The following ZNF678 variants were observed in gnomAD, a reference collection of about 807,000 sequenced individuals.
ZNF678 encodes hypothetical protein MGC42493.
A neutral mutation model predicts 3.0 loss-of-function variants in ZNF678; 5 were observed. The observed-to-expected ratio is 1.69, with a 90% CI of 0.88 to 3.56. The LOEUF is 3.56. Among genes scored for constraint, ZNF678 ranks in the 30% most tolerant of loss-of-function variants. ZNF678 has a pLI of 0.00. For synonymous variants in ZNF678, 218 were observed against 199.6 expected, an observed-to-expected ratio of 1.09 and a Z score of -0.78; for missense variants, 593 against 605.0, an observed-to-expected ratio of 0.98 and a Z score of 0.21.
intron 1 of ZNF678, among the ~76,000 whole-genome samples, chr1:227,613,156 G>A (rs1481452934): frequency 1.3e-5 from 2 of 152,066 alleles, no homozygotes; most frequent in African/African-American, 2.4e-5. Flanking sequence ...TCTGCCTCTG[G>A]TACTAGCTCA....
intron 1 of ZNF678, among the ~76,000 whole-genome samples, chr1:227,619,737 T>G (rs1261795677): frequency 1.3e-5 from 2 of 152,064 alleles, no homozygotes; most frequent in Non-Finnish European, 2.9e-5. Flanking sequence ...GGTCTCGATC[T>G]CTTGACCTCA....
intron 1 of ZNF678, among the ~76,000 whole-genome samples, chr1:227,632,126 G>C (rs1157408907): frequency 6.6e-6 from 1 of 152,174 alleles, no homozygotes; most frequent in Non-Finnish European, 1.5e-5. Flanking sequence ...GGGTGGTGGG[G>C]AATGGGTCCC....
intron 1 of ZNF678, among the ~76,000 whole-genome samples, chr1:227,564,898 AT>A: frequency 6.6e-6 from 1 of 150,996 alleles, no homozygotes; most frequent in Non-Finnish European, 1.5e-5. Context: ...CCCCCGGCTA[AT>A]TTTTGTATTT....
rs139465507 is a variant in ZNF678, at chr1:227,635,207, G to T, written c.-163-11337G>T. 2.6e-4 allele frequency among the ~76,000 whole-genome samples: 39 copies of T among 152,166 alleles called. No homozygotes were observed. The East Asian group carries it at 7.3e-3, about 29-fold the overall frequency. Reference sequence around the variant, plus strand: ...TATATGTATTTTCTTTGAAATGTATGCACATCTTTTAAAAAGCTAAATATG... The same window carrying T: ...TATATGTATTTTCTTTGAAATGTATTCACATCTTTTAAAAAGCTAAATATG... On this transcript the variant is annotated intron_variant, in intron 1 of 3. Transcript: ENST00000343776.
intron 1 of ZNF678, among the ~76,000 whole-genome samples, chr1:227,565,352 C>T: frequency 6.6e-6 from 1 of 152,250 alleles, no homozygotes; most frequent in Middle Eastern, 3.4e-3. Flanking sequence ...GGGCGAGCCA[C>T]CACGCCTGAC....
intron 1 of ZNF678, among the ~76,000 whole-genome samples, chr1:227,615,019 T>C (rs1242869199): frequency 6.6e-6 from 1 of 152,222 alleles, no homozygotes; most frequent in Non-Finnish European, 1.5e-5. Flanking sequence ...AGAGCTCTGC[T>C]CCACAGTGTG....
At chr1:227,637,697 T>C (rs1189925042) in intron 1 of ZNF678, among the ~76,000 whole-genome samples, 5 of 152,146 alleles carry the variant, frequency 3.3e-5, no homozygotes, top group Admixed American at 6.5e-5. Context: ...TAAGGGCTCA[T>C]GGAGAGGGCC....
intron 1 of ZNF678, among the ~76,000 whole-genome samples, chr1:227,616,773 G>GA (rs1476996134): frequency 6.6e-6 from 1 of 152,174 alleles, no homozygotes; most frequent in African/African-American, 2.4e-5. Context: ...ATATTATGCA[G>GA]AAAAAATCTA....
chr1:227,592,183 C>T (rs999118389), intron 1 of ZNF678, among the ~76,000 whole-genome samples: 1 of 152,184 alleles, frequency 6.6e-6, no homozygotes, highest in Non-Finnish European at 1.5e-5. Context: ...TTGTAAACTT[C>T]AGTGGTTATG....
Position 227,566,777 on chromosome 1 carries a change from G to A in ZNF678, c.-164+3053G>A, listed in dbSNP as rs867465637. Among the ~76,000 whole-genome samples the A allele has an allele frequency of 5.3e-5, 8 of 152,278 alleles. No individual in the cohort carries two copies. In the Middle Eastern group the frequency reaches 0.017, roughly 324 times the overall value. On this transcript the variant is annotated intron_variant, in intron 1 of 3. Coordinates refer to ENST00000343776, the MANE Select transcript of ZNF678 (RefSeq NM_001367909.1). ...GTGGTGAATTCTAGGAAAAAAATAT[G>A]TAGTCATATACTTCATTTGTTAAAA...
At chr1:227,597,132 A>T (rs1387559403) in intron 1 of ZNF678, among the ~76,000 whole-genome samples, 4 of 152,230 alleles carry the variant, frequency 2.6e-5, no homozygotes, top group African/African-American at 9.6e-5. Context: ...GTTTCTATAG[A>T]TTATAGATTA....
chr1:227,582,195 A>G (rs1477394007), intron 1 of ZNF678, among the ~76,000 whole-genome samples: 1 of 152,050 alleles, frequency 6.6e-6, no homozygotes, highest in East Asian at 1.9e-4. Context: ...ACACACGAAT[A>G]TCTTCTTCCA....
chr1:227,663,328 T>G (rs1659445569), downstream of ZNF678, among the ~76,000 whole-genome samples: 1 of 152,194 alleles, frequency 6.6e-6, no homozygotes, highest in Non-Finnish European at 1.5e-5. Flanking sequence ...TTCATGCCAG[T>G]TTCCACCAGC....
In ZNF678 at chr1:227,647,253, G is replaced by A. The variant is rs118029404; in HGVS notation, c.-37+583G>A. 4.7e-3 allele frequency among the ~76,000 whole-genome samples: 710 copies of A among 152,192 alleles called. 19 individuals are homozygous for A. In the South Asian group the frequency reaches 0.057, roughly 12 times the overall value. On this transcript the variant is annotated intron_variant, in intron 2 of 3. Coordinates refer to ENST00000343776, the MANE Select transcript of ZNF678 (RefSeq NM_001367909.1). ...GCTTGGGCAACAAAAGCAAAACTCC[G>A]TCTCAACAAACAAACAAAAAGAACC...
chr1:227,655,863 A>C lies in ZNF678; in HGVS notation c.*35A>C. ...CATTATACATGGCTTCACTAATTTCATACTGAATAAAAGTGGTATGAGCAT... is the reference window on the plus strand; with the variant it reads ...CATTATACATGGCTTCACTAATTTCCTACTGAATAAAAGTGGTATGAGCAT... On this transcript the variant is annotated 3_prime_UTR_variant, in exon 4 of 4. Coordinates refer to ENST00000343776, the MANE Select transcript of ZNF678 (RefSeq NM_001367909.1). The C allele has an allele frequency of 1.3e-6, 2 of 1,523,846 alleles. No homozygotes were observed. Among genetic ancestry groups the C allele is most frequent in the Non-Finnish European group, 1.8e-6 (2 of 1,139,080 alleles). The allele number at this position is 1,523,846 out of a possible 1,614,324, so 94.4% of individuals were successfully genotyped here.
chr1:227,620,281 C>A (rs1658248469), intron 1 of ZNF678, among the ~76,000 whole-genome samples: 1 of 152,084 alleles, frequency 6.6e-6, no homozygotes, highest in Non-Finnish European at 1.5e-5. Context: ...GCTCCTTTTT[C>A]CCCCCTTCCT....
chr1:227,616,531 A>G (rs1234606093), intron 1 of ZNF678, among the ~76,000 whole-genome samples: 1 of 152,198 alleles, frequency 6.6e-6, no homozygotes, highest in Non-Finnish European at 1.5e-5. Context: ...CCTCAGGGAA[A>G]TTTGTAGGAG....
intron 1 of ZNF678, among the ~76,000 whole-genome samples, chr1:227,588,210 ATTTTCTTT>A (rs1657314215): frequency 1.3e-5 from 2 of 152,026 alleles, no homozygotes; most frequent in African/African-American, 4.8e-5. Flanking sequence ...CATGTACTAT[ATTTTCTTT>A]ATCCAGTCTA....
chr1:227,585,294 A>G (rs1421966497), intron 1 of ZNF678, among the ~76,000 whole-genome samples: 2 of 152,214 alleles, frequency 1.3e-5, no homozygotes, highest in Non-Finnish European at 2.9e-5. Flanking sequence ...CAAAGGTAGC[A>G]TAGCTGAAAA....
Sources: allele counts gnomAD v4.1 joint callset (sites outside exome capture counted in the v4.1 genomes callset), GRCh38; gene constraint gnomAD v4.1.1; transcripts MANE v1.5; gene names NCBI Gene and HGNC (gene_info 2026-07-23, HGNC 2026-07-21).